Variants in ADARB2 observed in about 807,000 individuals in gnomAD.
ADARB2 encodes the protein adenosine deaminase RNA specific B2 (inactive).
In ADARB2, 25 loss-of-function variants were observed where a neutral mutation model predicts 62.2. That is an observed-to-expected ratio of 0.40 (90% CI 0.29 to 0.56). The LOEUF (loss-of-function observed/expected upper bound fraction) is 0.56. ADARB2 is among the 20% of genes least tolerant of loss of function. ADARB2 has a pLI of 0.43. For missense variants in ADARB2, 1,071 were observed against 1,077.4 expected (o/e 0.99, Z 0.08); for synonymous variants, 572 against 500.8 (o/e 1.14, Z -1.90).
intron 1 of ADARB2, chr10:1,526,702 C>A (rs1393620811): frequency 2.5e-5 from 8 of 313,928 alleles, no homozygotes; most frequent in Non-Finnish European, 4.8e-5. Flanking sequence ...CTGCACAAAC[C>A]TTTCTTCCTC....
rs981082244 is a variant in ADARB2 at position 1,600,601 on chromosome 10, G to A, written c.100+136450C>T. ...CACTTGAACTCAGGAGGCGGAGGCT[G>A]CAATGAGCCGAAATTGCATCACTGC... On this transcript the variant is annotated intron_variant, in intron 1 of 9. Coordinates refer to ENST00000381312, the MANE Select transcript of ADARB2 (RefSeq NM_018702.4). Among the ~76,000 whole-genome samples, 4 of 131,794 alleles carry A rather than the reference G, an allele frequency of 3.0e-5. No individual in the cohort carries two copies. In the East Asian group the frequency reaches 7.2e-4, roughly 24 times the overall value. The allele number at this position is 131,794 out of a possible 152,430, so 86.5% of individuals were successfully genotyped here. A position where few individuals can be genotyped will look rare whatever the true frequency, so the allele number is the denominator to read the frequency against.
intron 4 of ADARB2, among the ~76,000 whole-genome samples, chr10:1,249,073 TAGC>T (rs1238008957): frequency 6.6e-6 from 1 of 152,218 alleles, no homozygotes; most frequent in Non-Finnish European, 1.5e-5. Flanking sequence ...AGCCATCAAG[TAGC>T]AGAGGAAAAG....
At chr10:1,594,869 G>A (rs866382886) in intron 1 of ADARB2, among the ~76,000 whole-genome samples, 1 of 152,164 alleles carries the variant, frequency 6.6e-6, no homozygotes, top group Admixed American at 6.5e-5. Flanking sequence ...GCAGAGCAAG[G>A]CTTGAAGATG....
At chr10:1,429,848 C>T (rs1031195800) in intron 1 of ADARB2, among the ~76,000 whole-genome samples, 3 of 152,048 alleles carry the variant, frequency 2.0e-5, no homozygotes, top group African/African-American at 7.2e-5. Flanking sequence ...TCTTTCCCTC[C>T]TCTCTCCTTT....
rs118140723 is a variant in ADARB2, at chr10:1,516,549, G to A, written c.101-137389C>T. Among the ~76,000 whole-genome samples the A allele has an allele frequency of 8.6e-5, 13 of 151,654 alleles. No individual in the cohort carries two copies. The East Asian group carries it at 2.5e-3, about 29-fold the overall frequency. On this transcript the variant is annotated intron_variant, in intron 1 of 9. Coordinates refer to ENST00000381312, the MANE Select transcript of ADARB2 (RefSeq NM_018702.4). ...CTGTGTGGGCTGCTCTGCTCTGTGCGGGCTGCTGTGTGCTGTGCGGGCTGC... is the reference window on the plus strand; with the variant it reads ...CTGTGTGGGCTGCTCTGCTCTGTGCAGGCTGCTGTGTGCTGTGCGGGCTGC...
intron 1 of ADARB2, among the ~76,000 whole-genome samples, chr10:1,666,694 G>A (rs767930608): frequency 1.3e-5 from 2 of 152,054 alleles, no homozygotes; most frequent in African/African-American, 2.4e-5. Flanking sequence ...TTTTTGAGGG[G>A]CGAGGGCATC....
intron 1 of ADARB2, among the ~76,000 whole-genome samples, chr10:1,444,731 T>C (rs1830947304): frequency 6.9e-6 from 1 of 144,592 alleles, no homozygotes; most frequent in Non-Finnish European, 1.5e-5. Context: ...CATCCATCTA[T>C]CTATCCATCC....
intron 1 of ADARB2, among the ~76,000 whole-genome samples, chr10:1,493,845 G>C (rs569251797): frequency 7.3e-6 from 1 of 137,266 alleles, no homozygotes; most frequent in Non-Finnish European, 1.5e-5. Context: ...TGCAACCTCC[G>C]CCTCCTGGGT....
At chr10:1,715,841 C>T (rs967761449) in intron 1 of ADARB2, among the ~76,000 whole-genome samples, 12 of 152,244 alleles carry the variant, frequency 7.9e-5, no homozygotes, top group African/African-American at 2.9e-4. Flanking sequence ...CCGCTGCTCA[C>T]CCCTCTGCCT....
chr10:1,613,179 T>C (rs541058527), intron 1 of ADARB2, among the ~76,000 whole-genome samples: 1 of 152,244 alleles, frequency 6.6e-6, no homozygotes, highest in East Asian at 1.9e-4. Flanking sequence ...GAAGGAGAAA[T>C]GTACAAAGAA....
intron 3 of ADARB2, among the ~76,000 whole-genome samples, chr10:1,272,363 A>T (rs945030079): frequency 1.3e-5 from 2 of 152,220 alleles, no homozygotes; most frequent in Non-Finnish European, 2.9e-5. Context: ...TAATAACGCT[A>T]AGAAAGATAG....
chr10:1,500,254 G>A lies in ADARB2; in HGVS notation c.101-121094C>T, dbSNP rs960437164. 3.3e-5 allele frequency among the ~76,000 whole-genome samples: 5 copies of A among 152,164 alleles called. No individual in the cohort carries two copies. The South Asian group carries it at 1.0e-3, about 32-fold the overall frequency. On this transcript the variant is annotated intron_variant, in intron 1 of 9. Coordinates refer to ENST00000381312, the MANE Select transcript of ADARB2 (RefSeq NM_018702.4). ...AGGCACTTACCGTCTCACCCCATGT[G>A]TAATGACCTGTCTGTTCTCTGTTGT...
intron 1 of ADARB2, among the ~76,000 whole-genome samples, chr10:1,595,050 C>T (rs957800117): frequency 2.6e-5 from 4 of 152,296 alleles, no homozygotes; most frequent in Admixed American, 2.6e-4. Context: ...CCTGCCCGCC[C>T]AGCACAGACA....
chr10:1,214,154 AGTGTAGGT>A (rs1837199644), intron 7 of ADARB2, among the ~76,000 whole-genome samples: 5 of 75,966 alleles, frequency 6.6e-5, no homozygotes, highest in African/African-American at 1.6e-4. Flanking sequence ...TGTCCAGCGT[AGTGTAGGT>A]TTGCACCTGT....
Position 1,533,543 on chromosome 10 carries a change from T to C in ADARB2, c.101-154383A>G, listed in dbSNP as rs1472189672. On this transcript the variant is annotated intron_variant, in intron 1 of 9. Coordinates refer to ENST00000381312, the MANE Select transcript of ADARB2 (RefSeq NM_018702.4). ...ACGCTGGGAGCACTGTGGGGCTGTTTAGGGACTCAAGGCCATGCCACGTCC... is the reference window on the plus strand; with the variant it reads ...ACGCTGGGAGCACTGTGGGGCTGTTCAGGGACTCAAGGCCATGCCACGTCC... Among the ~76,000 whole-genome samples the C allele has an allele frequency of 2.0e-5, 3 of 152,142 alleles. No individual in the cohort carries two copies. The East Asian group carries it at 5.8e-4, about 29-fold the overall frequency.
chr10:1,315,609 G>A (rs940650918), intron 3 of ADARB2, among the ~76,000 whole-genome samples: 3 of 152,236 alleles, frequency 2.0e-5, no homozygotes, highest in Non-Finnish European at 2.9e-5. Context: ...GGGAGGTGCC[G>A]TGGTTGCTCC....
intron 1 of ADARB2, among the ~76,000 whole-genome samples, chr10:1,624,504 G>A (rs1400456850): frequency 6.6e-6 from 1 of 152,158 alleles, no homozygotes; most frequent in African/African-American, 2.4e-5. Flanking sequence ...ACTTCCAGAT[G>A]CTACTGTCAT....
At chr10:1,301,342 C>T (rs1052667775) in intron 3 of ADARB2, among the ~76,000 whole-genome samples, 5 of 152,228 alleles carry the variant, frequency 3.3e-5, no homozygotes, top group Non-Finnish European at 5.9e-5. Context: ...GTCATCAACT[C>T]TGGTTACCAC....
chr10:1,336,910 C>T (rs987501477), intron 3 of ADARB2, among the ~76,000 whole-genome samples: 2 of 152,160 alleles, frequency 1.3e-5, no homozygotes, highest in Non-Finnish European at 2.9e-5. Flanking sequence ...CGATTCCTGA[C>T]TCTTTTCTTC....
Sources: allele counts gnomAD v4.1 joint callset (sites outside exome capture counted in the v4.1 genomes callset), GRCh38; gene constraint gnomAD v4.1.1; transcripts MANE v1.5; gene names NCBI Gene and HGNC (gene_info 2026-07-23, HGNC 2026-07-21).